CDH3: variants seen among roughly 807,000 people sequenced by gnomAD.
CDH3 encodes cadherin 3, also known as cadherin-3.
In CDH3, 54 loss-of-function variants were observed where a neutral mutation model predicts 82.0. The observed-to-expected ratio is 0.66, with a 90% CI of 0.53 to 0.83. CDH3 has a LOEUF of 0.83. CDH3 is among the 40% of genes least tolerant of loss of function. The pLI is 0.00. For synonymous variants in CDH3, 446 were observed against 437.9 expected (o/e 1.02, Z -0.23); for missense variants, 1,054 against 1,084.6 (o/e 0.97, Z 0.40).
chr16:68,710,355 C>T (rs1400023229), intron 1 of CDH3, among the ~76,000 whole-genome samples: 1 of 152,242 alleles, frequency 6.6e-6, no homozygotes, highest in African/African-American at 2.4e-5. Context: ...GCTGGTCACC[C>T]TAACCGAGTG....
chr16:68,658,065 T>TTTTTTC (rs1960453313), intron 2 of CDH3, among the ~76,000 whole-genome samples: 1 of 144,092 alleles, frequency 6.9e-6, no homozygotes, highest in Non-Finnish European at 1.5e-5. Flanking sequence ...TTTCTTTCTT[T>TTTTTTC]TTTTTTTTTT....
At chr16:68,704,427 C>T (rs1010586804), downstream of CDH3, among the ~76,000 whole-genome samples, 1 of 152,102 alleles carries the variant, frequency 6.6e-6, no homozygotes, top group Non-Finnish European at 1.5e-5. Flanking sequence ...AACTGCACTT[C>T]CCAGCAGGAG....
intron 2 of CDH3, among the ~76,000 whole-genome samples, chr16:68,657,128 C>T (rs1391338618): frequency 1.3e-5 from 2 of 152,154 alleles, no homozygotes; most frequent in African/African-American, 2.4e-5. Context: ...GACAGAATTC[C>T]CTCCAGGCTG....
At chr16:68,724,535 G>A (rs1352199522) in intron 2 of CDH3, among the ~76,000 whole-genome samples, 2 of 151,934 alleles carry the variant, frequency 1.3e-5, no homozygotes, top group Non-Finnish European at 2.9e-5. Context: ...GCTGACGCAG[G>A]AGAATCACTT....
In CDH3 at chr16:68,682,338, GA is replaced by G; in HGVS notation, c.1034del (p.Glu345GlyfsTer5). 6.2e-7 allele frequency: 1 copy of G among 1,614,038 alleles called. No homozygotes were observed. Among genetic ancestry groups the G allele is most frequent in the African/African-American group, 1.3e-5 (1 of 75,054 alleles). The part of the protein sequence containing the change: ...AHVPENAVGH[E>X]VQRLTVTDLD... ...TGTGCCTGAGAATGCAGTGGGCCAT[GA>G]GGTGCAGAGGCTGACGGTCACTGAT... is the stretch of plus-strand genomic sequence containing the variant. On this transcript the variant is annotated frameshift_variant, in exon 9 of 16. Coordinates refer to ENST00000264012, the MANE Select transcript of CDH3 (RefSeq NM_001793.6). LOFTEE classifies it high-confidence loss of function.
At chr16:68,712,206 T>C (rs749280094) in intron 1 of CDH3, among the ~76,000 whole-genome samples, 1 of 151,686 alleles carries the variant, frequency 6.6e-6, no homozygotes, top group Non-Finnish European at 1.5e-5. Flanking sequence ...CTGGCTAATT[T>C]TTGTACTTTT....
chr16:68,672,670 T>G (rs1246978814), intron 2 of CDH3, among the ~76,000 whole-genome samples: 1 of 152,130 alleles, frequency 6.6e-6, no homozygotes. Context: ...AGCCCAGCAC[T>G]CCTCGGCGGG....
At chr16:68,684,425 A>T (rs114185886) in intron 9 of CDH3, among the ~76,000 whole-genome samples, 158 bp from the exon 10 acceptor site, 3 of 152,210 alleles carry the variant, frequency 2.0e-5, no homozygotes, top group Non-Finnish European at 4.4e-5. Context: ...CACTCAGGAA[A>T]CACGGGAGTG....
intron 8 of CDH3, among the ~76,000 whole-genome samples, chr16:68,681,315 A>G (rs1168658257): frequency 6.6e-6 from 1 of 152,234 alleles, no homozygotes; most frequent in East Asian, 1.9e-4. Context: ...GTTTCAAATG[A>G]AATAATCTAT....
chr16:68,685,449 C>G, intron 11 of CDH3, 99 bp downstream of exon 11: 1 of 1,313,868 alleles, frequency 7.6e-7, no homozygotes, highest in South Asian at 1.2e-5. Context: ...GAACATGTGT[C>G]GAGGAGGGCT....
chr16:68,692,514 A>T (rs1193516379), intron 13 of CDH3, among the ~76,000 whole-genome samples: 1 of 152,184 alleles, frequency 6.6e-6, no homozygotes, highest in Non-Finnish European at 1.5e-5. Context: ...CAGCATTAGC[A>T]TCACCAGGAA....
At chr16:68,647,588 G>C (rs1223234958) in intron 2 of CDH3, among the ~76,000 whole-genome samples, 1 of 152,178 alleles carries the variant, frequency 6.6e-6, no homozygotes, top group African/African-American at 2.4e-5. Context: ...TGCGCTCGGC[G>C]CACCTTGAAA....
chr16:68,707,577 A>C lies in CDH3; in HGVS notation c.99+11654A>C, dbSNP rs1434641546. On this transcript the variant is annotated intron_variant, in intron 1 of 2. Coordinates refer to the CDH3 transcript ENST00000569080. This position sits in a 1 kb window ranked among gnomAD's most constrained non-coding sequence, Gnocchi z 4.5. ...CCTGTAGTCTGGTAGGGCGGTGGCT[A>C]AGACAGCAGCCCCTAAAGGCTGCAG... Among the ~76,000 whole-genome samples the C allele has an allele frequency of 1.3e-5, 2 of 152,080 alleles. No homozygotes were observed. The highest frequency in any genetic ancestry group is 2.9e-5 in the Non-Finnish European group (2 of 67,988).
chr16:68,645,600 G>A, intron 1 of CDH3, 36 bp from the exon 2 acceptor site: 1 of 1,513,918 alleles, frequency 6.6e-7, no homozygotes, highest in Admixed American at 2.0e-5. Context: ...GGCACGCCTG[G>A]ACCCAGCCTC....
Position 68,679,780 on chromosome 16 carries a change from A to G in CDH3, c.692-19A>G. On this transcript the variant is annotated intron_variant, in intron 6 of 15. Coordinates refer to ENST00000264012, the MANE Select transcript of CDH3 (RefSeq NM_001793.6). ...GGAGTTGGAACTGGGAGGAAAAGATACTCATCCCTTCTCTCCAGGTACTTC... is the reference window on the plus strand; with the variant it reads ...GGAGTTGGAACTGGGAGGAAAAGATGCTCATCCCTTCTCTCCAGGTACTTC... 2 of 1,580,076 alleles carry G rather than the reference A, an allele frequency of 1.3e-6. No individual in the cohort carries two copies. Among genetic ancestry groups the G allele is most frequent in the South Asian group, 2.2e-5 (2 of 90,428 alleles).
At chr16:68,720,749 G>C (rs1228138206) in intron 1 of CDH3, among the ~76,000 whole-genome samples, 1 of 151,782 alleles carries the variant, frequency 6.6e-6, no homozygotes, top group Non-Finnish European at 1.5e-5. Context: ...CCAAGCCCGA[G>C]TAGCTGGGAT....
Position 68,649,123 on chromosome 16 carries a change from A to G in CDH3, c.160+3373A>G, listed in dbSNP as rs1476948241. On this transcript the variant is annotated intron_variant, in intron 2 of 15. Coordinates refer to ENST00000264012, the MANE Select transcript of CDH3 (RefSeq NM_001793.6). ...CTTTCATGGTATTAGTGCAGTGATT[A>G]AGTGAGTGACCTACAGTGGTCTACT... is the stretch of plus-strand genomic sequence containing the variant. Among the ~76,000 whole-genome samples, 7 of 152,144 alleles carry G rather than the reference A, an allele frequency of 4.6e-5. No homozygotes were observed. In the East Asian group the frequency reaches 1.2e-3, roughly 25 times the overall value.
At chr16:68,680,510 C>T (rs1389192904) in intron 7 of CDH3, among the ~76,000 whole-genome samples, 1 of 152,166 alleles carries the variant, frequency 6.6e-6, no homozygotes, top group African/African-American at 2.4e-5. Flanking sequence ...GAAACCCTGT[C>T]TCTACTAAAA....
At chr16:68,663,459 C>T (rs974636874) in intron 2 of CDH3, among the ~76,000 whole-genome samples, 2 of 151,744 alleles carry the variant, frequency 1.3e-5, no homozygotes, top group African/African-American at 4.8e-5. Flanking sequence ...TGGTCTCGAT[C>T]TCCTGACCCC....
Sources: gnomAD v4.1 joint callset for allele counts (sites outside exome capture counted in the v4.1 genomes callset) on GRCh38, gnomAD v4.1.1 for gene constraint, Gnocchi (gnomAD v3.1) non-coding constraint, MANE v1.5 for transcripts, NCBI Gene and HGNC (gene_info 2026-07-23, HGNC 2026-07-21) for gene names.